The following GALNTL6 variants were observed in gnomAD, a reference collection of about 807,000 sequenced individuals.
The protein encoded by GALNTL6 is polypeptide N-acetylgalactosaminyltransferase-like 6.
In GALNTL6, 46 loss-of-function variants were observed where a neutral mutation model predicts 73.7. The ratio of observed to expected loss-of-function variants is 0.62; its 90% CI spans 0.49 to 0.80. GALNTL6 has a LOEUF of 0.80. GALNTL6 is among the 30% of genes least tolerant of loss of function. The pLI is 0.00. For synonymous variants in GALNTL6, 259 were observed against 263.7 expected, an observed-to-expected ratio of 0.98 and a Z score of 0.17; for missense variants, 604 against 755.0, an observed-to-expected ratio of 0.80 and a Z score of 2.34.
chr4:172,251,514 C>T (rs929632092), intron 3 of GALNTL6, among the ~76,000 whole-genome samples: 1 of 152,134 alleles, frequency 6.6e-6, no homozygotes, highest in African/African-American at 2.4e-5. Context: ...GCCTGCATAT[C>T]AGGCTGGCAC....
At chr4:172,999,696 A>T (rs1414723331) in intron 10 of GALNTL6, among the ~76,000 whole-genome samples, 5 of 152,168 alleles carry the variant, frequency 3.3e-5, no homozygotes, top group Middle Eastern at 3.4e-3. Context: ...TATTATACTC[A>T]TGGAAACAGT....
chr4:171,945,217 T>A (rs1231464078), intron 2 of GALNTL6, among the ~76,000 whole-genome samples: 2 of 152,084 alleles, frequency 1.3e-5, no homozygotes, highest in Non-Finnish European at 2.9e-5. Context: ...AAAATTTATA[T>A]CAAAAAACAT....
chr4:172,072,327 G>A (rs545517129), intron 2 of GALNTL6, among the ~76,000 whole-genome samples: 54 of 151,968 alleles, frequency 3.6e-4, no homozygotes, highest in African/African-American at 1.3e-3. Context: ...AGTGACTAAG[G>A]TTTGGTCCTT....
chr4:172,097,719 T>A (rs2110954048), intron 2 of GALNTL6, among the ~76,000 whole-genome samples: 1 of 152,312 alleles, frequency 6.6e-6, no homozygotes, highest in Non-Finnish European at 1.5e-5. Context: ...CTACCTTCAC[T>A]CTTATTAAGA....
At chr4:173,035,042 AT>A (rs1344388493) in intron 12 of GALNTL6, among the ~76,000 whole-genome samples, 2 of 151,764 alleles carry the variant, frequency 1.3e-5, no homozygotes, top group African/African-American at 4.8e-5. Flanking sequence ...CCTAATTCAT[AT>A]CCTACTCACC....
intron 2 of GALNTL6, among the ~76,000 whole-genome samples, chr4:171,874,776 C>T (rs1411648876): frequency 6.6e-6 from 1 of 152,160 alleles, no homozygotes; most frequent in African/African-American, 2.4e-5. Flanking sequence ...CTTTCTCATT[C>T]TGTAAGAAGC....
chr4:172,541,114 A>G (rs1029992111), intron 5 of GALNTL6, among the ~76,000 whole-genome samples: 6 of 152,178 alleles, frequency 3.9e-5, no homozygotes, highest in African/African-American at 1.2e-4. Context: ...CTGTCTTTTG[A>G]TGCTATACCA....
intron 2 of GALNTL6, among the ~76,000 whole-genome samples, chr4:172,102,661 A>G (rs1442388731): frequency 6.6e-6 from 1 of 152,236 alleles, no homozygotes; most frequent in Non-Finnish European, 1.5e-5. Context: ...CAAGAGGCCA[A>G]CATGAGAGTA....
At chr4:172,631,197 A>G (rs1344423346) in intron 5 of GALNTL6, among the ~76,000 whole-genome samples, 1 of 151,832 alleles carries the variant, frequency 6.6e-6, no homozygotes, top group Non-Finnish European at 1.5e-5. Flanking sequence ...GCTGGAGTGC[A>G]GTGGCATGAT....
chr4:172,233,129 G>C (rs1209032982), intron 3 of GALNTL6, among the ~76,000 whole-genome samples: 1 of 151,404 alleles, frequency 6.6e-6, no homozygotes, highest in African/African-American at 2.4e-5. Context: ...AGCACACCGG[G>C]TGGCAGCAGA....
intron 5 of GALNTL6, among the ~76,000 whole-genome samples, chr4:172,556,100 G>T (rs538483431): frequency 6.6e-6 from 1 of 152,120 alleles, no homozygotes; most frequent in South Asian, 2.1e-4. Context: ...GTGCCTTAAT[G>T]TGGAAGATTT....
intron 5 of GALNTL6, among the ~76,000 whole-genome samples, chr4:172,609,625 C>CTCTCTCTCTCTGTGTGTG (rs753051714): frequency 2.2e-5 from 2 of 92,778 alleles, no homozygotes; most frequent in African/African-American, 4.6e-5. Flanking sequence ...CTCTCTCTCT[C>CTCTCTCTCTCTGTGTGTG]TGTGTGTGTG....
At chr4:172,033,976 A>C (rs1379046367) in intron 2 of GALNTL6, among the ~76,000 whole-genome samples, 1 of 152,122 alleles carries the variant, frequency 6.6e-6, no homozygotes, top group Non-Finnish European at 1.5e-5. Flanking sequence ...ACTAACTTTT[A>C]ACATACATGA....
intron 5 of GALNTL6, among the ~76,000 whole-genome samples, chr4:172,652,797 T>G (rs1740535480): frequency 1.3e-5 from 2 of 152,354 alleles, no homozygotes; most frequent in South Asian, 4.1e-4. Flanking sequence ...TAGCCAATAC[T>G]TCTCAATTTG....
At chr4:172,576,670 C>T (rs556214015) in intron 5 of GALNTL6, among the ~76,000 whole-genome samples, 16 of 152,252 alleles carry the variant, frequency 1.1e-4, no homozygotes, top group South Asian at 8.3e-4. Flanking sequence ...ATAGTATATA[C>T]ATAAAGCACT....
At chr4:172,989,443 A>G (rs1203746028) in intron 10 of GALNTL6, among the ~76,000 whole-genome samples, 1 of 152,186 alleles carries the variant, frequency 6.6e-6, no homozygotes, top group Non-Finnish European at 1.5e-5. Flanking sequence ...TGTGAGAAGG[A>G]CATGAGATAT....
intron 2 of GALNTL6, among the ~76,000 whole-genome samples, chr4:171,988,787 C>A (rs758630600): frequency 1.4e-3 from 211 of 152,010 alleles, no homozygotes; most frequent in African/African-American, 4.6e-3. Context: ...GGCATTGAGC[C>A]GGGTAAGAGT....
intron 8 of GALNTL6, among the ~76,000 whole-genome samples, chr4:172,890,088 C>G (rs1745948678): frequency 6.6e-6 from 1 of 152,058 alleles, no homozygotes; most frequent in South Asian, 2.1e-4. Flanking sequence ...TCTGTGGAAT[C>G]CATTGTAATG....
intron 9 of GALNTL6, among the ~76,000 whole-genome samples, chr4:172,934,259 CTGAAT>C (rs1272653920): frequency 3.9e-5 from 6 of 152,300 alleles, no homozygotes; most frequent in Admixed American, 3.9e-4. Flanking sequence ...AATATGTCCA[CTGAAT>C]TAACGAGTTT....
Sources: gnomAD v4.1 joint callset for allele counts (sites outside exome capture counted in the v4.1 genomes callset) on GRCh38, gnomAD v4.1.1 for gene constraint, MANE v1.5 for transcripts, NCBI Gene and HGNC (gene_info 2026-07-23, HGNC 2026-07-21) for gene names.